PRKG2: variants seen among roughly 807,000 people sequenced by gnomAD.
The protein encoded by PRKG2 is protein kinase cGMP-dependent 2, also known as cGMP-dependent protein kinase 2.
Under a neutral mutation model 97.2 loss-of-function variants are expected in PRKG2, and 33 were observed. The ratio of observed to expected loss-of-function variants is 0.34; its 90% confidence interval spans 0.26 to 0.45. The LOEUF is 0.45. Among genes scored for constraint, PRKG2 ranks in the 20% least tolerant of loss-of-function variants. The pLI is 1.00. For synonymous variants in PRKG2, 330 were observed against 321.8 expected (o/e 1.03, Z -0.27); for missense variants, 638 against 900.0 (o/e 0.71, Z 3.73).
At chr4:81,118,320 A>G (rs900969803) in intron 14 of PRKG2, among the ~76,000 whole-genome samples, 9 of 152,202 alleles carry the variant, frequency 5.9e-5, no homozygotes, top group African/African-American at 1.7e-4. Flanking sequence ...TTTTTTGTGT[A>G]AACAGAAGTT....
upstream of PRKG2, among the ~76,000 whole-genome samples, chr4:81,215,371 C>A (rs143351563): frequency 2.1e-3 from 327 of 152,328 alleles, 4 homozygotes; most frequent in African/African-American, 7.1e-3. Flanking sequence ...CCTTTACTCC[C>A]GACACAGCCG....
chr4:81,091,008 C>T (rs1741477876), intron 18 of PRKG2, among the ~76,000 whole-genome samples: 1 of 152,066 alleles, frequency 6.6e-6, no homozygotes, highest in Non-Finnish European at 1.5e-5. Flanking sequence ...TAACAGAATT[C>T]AGAAGAAATA....
intron 14 of PRKG2, among the ~76,000 whole-genome samples, chr4:81,122,716 T>C (rs557031613): frequency 6.6e-6 from 1 of 152,278 alleles, no homozygotes; most frequent in Admixed American, 6.5e-5. Flanking sequence ...CTCATAGATA[T>C]TGCCAAGAAT....
intron 6 of PRKG2, among the ~76,000 whole-genome samples, chr4:81,166,675 G>C (rs1750015122): frequency 1.3e-5 from 2 of 152,042 alleles, no homozygotes; most frequent in African/African-American, 4.8e-5. Flanking sequence ...CTTAAATACA[G>C]TTTTTAAAAT....
chr4:81,127,514 C>G (rs1745722355), intron 14 of PRKG2, among the ~76,000 whole-genome samples: 1 of 152,194 alleles, frequency 6.6e-6, no homozygotes. Flanking sequence ...TTTCCTTGAG[C>G]AGTGGTTTGT....
intron 2 of PRKG2, among the ~76,000 whole-genome samples, chr4:81,204,166 G>A (rs1419797516): frequency 6.6e-6 from 1 of 151,778 alleles, no homozygotes; most frequent in African/African-American, 2.4e-5. Context: ...CATCTTTGAG[G>A]CTCCAGCATG....
upstream of PRKG2, among the ~76,000 whole-genome samples, chr4:81,215,401 C>T (rs1433094724): frequency 6.6e-6 from 1 of 152,224 alleles, no homozygotes; most frequent in Non-Finnish European, 1.5e-5. Flanking sequence ...CTTTATACCC[C>T]ATACCCTCCA....
intron 12 of PRKG2, among the ~76,000 whole-genome samples, chr4:81,140,249 G>T (rs904931402): frequency 2.6e-5 from 4 of 152,090 alleles, no homozygotes; most frequent in Middle Eastern, 3.2e-3. Flanking sequence ...TAGCACAACA[G>T]GGGCATCATA....
chr4:81,194,118 T>C (rs1266694743), intron 2 of PRKG2, among the ~76,000 whole-genome samples: 1 of 152,152 alleles, frequency 6.6e-6, no homozygotes, highest in Admixed American at 6.6e-5. Flanking sequence ...ATTAATCCCA[T>C]AAATTATAAT....
Position 81,140,574 on chromosome 4 carries a change from C to T in PRKG2, c.1503G>A (p.Glu501=), listed in dbSNP as rs1747182070. The stretch of plus-strand genomic sequence containing the variant: ...AGCACAGCTCCTCTAGGATCCTCTT[C>T]TCTGAGTAGACATGCTCCTGCTGCT... ...DTKQQEHVYS[E]KRILEELCSP... is the part of the protein sequence containing the mutation. Residue 501 remains glutamate, a synonymous_variant, in exon 12 of 19, where the codon GAG becomes GAA. Coordinates refer to ENST00000264399, the MANE Select transcript of PRKG2 (RefSeq NM_006259.3). The T allele has an allele frequency of 6.2e-7, 1 of 1,612,278 alleles. No individual in the cohort carries two copies. The highest frequency in any genetic ancestry group is 8.5e-7 in the Non-Finnish European group (1 of 1,178,738).
chr4:81,151,429 C>G (rs185860783), intron 8 of PRKG2, among the ~76,000 whole-genome samples: 2 of 152,062 alleles, frequency 1.3e-5, no homozygotes, highest in Non-Finnish European at 2.9e-5. Context: ...TAAATTAGAT[C>G]AACAGTAAAT....
At chr4:81,179,216 G>C (rs941113876) in intron 2 of PRKG2, among the ~76,000 whole-genome samples, 2 of 151,648 alleles carry the variant, frequency 1.3e-5, no homozygotes, top group African/African-American at 4.8e-5. Flanking sequence ...TATAAACTCT[G>C]CATAAAATAA....
chr4:81,199,291 G>A (rs1480413646), intron 2 of PRKG2, among the ~76,000 whole-genome samples: 2 of 151,934 alleles, frequency 1.3e-5, no homozygotes, highest in African/African-American at 2.4e-5. Flanking sequence ...ATCATTTTCA[G>A]GGAAAAATAA....
At chr4:81,178,253 A>T (rs1042683443) in intron 2 of PRKG2, among the ~76,000 whole-genome samples, 4 of 152,168 alleles carry the variant, frequency 2.6e-5, no homozygotes, top group African/African-American at 9.6e-5. Context: ...GCCTGCCAGA[A>T]GTAAAAGTAA....
chr4:81,180,336 G>A (rs1475764993), intron 2 of PRKG2, among the ~76,000 whole-genome samples: 1 of 151,904 alleles, frequency 6.6e-6, no homozygotes, highest in Admixed American at 6.6e-5. Context: ...TAAAAGACAA[G>A]CTTGTCAGAC....
intron 6 of PRKG2, among the ~76,000 whole-genome samples, chr4:81,155,128 A>C (rs1051773947): frequency 2.8e-5 from 4 of 140,468 alleles, no homozygotes; most frequent in Admixed American, 7.1e-5. Flanking sequence ...CAGTGAGCCG[A>C]GATCCCGCCA....
At chr4:81,100,362 A>G (rs1439686745) in intron 17 of PRKG2, among the ~76,000 whole-genome samples, 1 of 152,230 alleles carries the variant, frequency 6.6e-6, no homozygotes, top group Non-Finnish European at 1.5e-5. Flanking sequence ...GTACCAAAAC[A>G]GAGATGCAGA....
At chr4:81,164,029 T>A (rs1405138626) in intron 6 of PRKG2, among the ~76,000 whole-genome samples, 1 of 152,146 alleles carries the variant, frequency 6.6e-6, no homozygotes, top group Admixed American at 6.5e-5. Flanking sequence ...CTCAGAAGTT[T>A]TAAGGCAAGC....
intron 17 of PRKG2, among the ~76,000 whole-genome samples, chr4:81,101,246 G>A (rs530728096): frequency 6.6e-6 from 1 of 152,158 alleles, no homozygotes; most frequent in African/African-American, 2.4e-5. Flanking sequence ...AAATCATGCT[G>A]CTATAAAAAC....
Sources: gnomAD v4.1 joint callset for allele counts (sites outside exome capture counted in the v4.1 genomes callset) on GRCh38, gnomAD v4.1.1 for gene constraint, MANE v1.5 for transcripts, NCBI Gene and HGNC (gene_info 2026-07-23, HGNC 2026-07-21) for gene names.